Variants in ZMAT4 observed in about 807,000 individuals in gnomAD.
ZMAT4 encodes zinc finger matrin-type protein 4.
ZMAT4 carries 17 observed loss-of-function variants against 28.7 expected under a neutral mutation model. The observed-to-expected ratio is 0.59, with a 90% CI of 0.41 to 0.89. ZMAT4 has a LOEUF of 0.89. Among genes scored for constraint, ZMAT4 ranks in the 40% least tolerant of loss-of-function variants. ZMAT4 has a pLI of 0.00. For missense variants in ZMAT4, 240 were observed against 283.8 expected (o/e 0.85, Z 1.11); for synonymous variants, 117 against 109.2 (o/e 1.07, Z -0.44).
chr8:40,714,738 A>G (rs1810768042), intron 3 of ZMAT4, among the ~76,000 whole-genome samples: 2 of 152,192 alleles, frequency 1.3e-5, no homozygotes, highest in Non-Finnish European at 2.9e-5. Context: ...AAAGAAATGA[A>G]ATAAGTTTAC....
In ZMAT4 at chr8:40,684,286, C is replaced by T. The variant is rs912134010; in HGVS notation, c.350-9355G>A. Reference sequence around the variant, plus strand: ...TTGCTTAGCAAGAATCAATGATCTGCTAACTGGGCACTGCTAGAAACCATG... The same window carrying T: ...TTGCTTAGCAAGAATCAATGATCTGTTAACTGGGCACTGCTAGAAACCATG... On this transcript the variant is annotated intron_variant, in intron 4 of 6. Coordinates refer to ENST00000297737, the MANE Select transcript of ZMAT4 (RefSeq NM_024645.3). Among the ~76,000 whole-genome samples, 12 of 152,190 alleles carry T rather than the reference C, an allele frequency of 7.9e-5. No homozygotes were observed. The South Asian group carries it at 1.0e-3, about 13-fold the overall frequency.
chr8:40,548,175 C>G (rs1388171170), intron 6 of ZMAT4, among the ~76,000 whole-genome samples: 1 of 152,124 alleles, frequency 6.6e-6, no homozygotes, highest in African/African-American at 2.4e-5. Flanking sequence ...AAGGACCCTT[C>G]AGGCCATGAC....
At chr8:40,712,835 C>T (rs574717047) in intron 3 of ZMAT4, among the ~76,000 whole-genome samples, 1 of 152,238 alleles carries the variant, frequency 6.6e-6, no homozygotes, top group East Asian at 1.9e-4. Context: ...TATCAAATCA[C>T]ATCTCATAAT....
At chr8:40,646,696 G>C (rs958638761) in intron 5 of ZMAT4, among the ~76,000 whole-genome samples, 2 of 152,062 alleles carry the variant, frequency 1.3e-5, no homozygotes, top group African/African-American at 4.8e-5. Context: ...AGCCCCAAAA[G>C]TACATAAAGC....
chr8:40,844,478 A>G (rs906259915), intron 1 of ZMAT4, among the ~76,000 whole-genome samples: 4 of 152,146 alleles, frequency 2.6e-5, no homozygotes, highest in Non-Finnish European at 4.4e-5. Flanking sequence ...AGTCCTTCAG[A>G]TTCAAGCTGA....
At chr8:40,844,078 T>C (rs1267147071) in intron 1 of ZMAT4, among the ~76,000 whole-genome samples, 1 of 152,148 alleles carries the variant, frequency 6.6e-6, no homozygotes, top group Non-Finnish European at 1.5e-5. Context: ...CTCTGGAAAG[T>C]GCCCAATGAT....
At chr8:40,554,308 C>T (rs966294340) in intron 6 of ZMAT4, among the ~76,000 whole-genome samples, 21 of 152,100 alleles carry the variant, frequency 1.4e-4, no homozygotes, top group African/African-American at 4.8e-4. Context: ...AACTACAAAC[C>T]AACCATTGTT....
chr8:40,700,406 CTTTTCTTTTTTT>C (rs1238342201), intron 3 of ZMAT4, among the ~76,000 whole-genome samples: 100 of 60,806 alleles, frequency 1.6e-3, no homozygotes, highest in Non-Finnish European at 2.7e-3. Flanking sequence ...GAAGCTGCTG[CTTTTCTTTTTTT>C]TTTTTTTTTT....
chr8:40,709,152 C>T (rs1810494730), intron 3 of ZMAT4, among the ~76,000 whole-genome samples: 1 of 152,036 alleles, frequency 6.6e-6, no homozygotes, highest in Non-Finnish European at 1.5e-5. Context: ...TTAAATCATC[C>T]CTGCATTACT....
chr8:40,566,446 C>T (rs544376696), intron 6 of ZMAT4, among the ~76,000 whole-genome samples: 1 of 152,184 alleles, frequency 6.6e-6, no homozygotes, highest in African/African-American at 2.4e-5. Context: ...AGAAGGGGTG[C>T]AGCAGAGGGT....
intron 5 of ZMAT4, among the ~76,000 whole-genome samples, chr8:40,647,263 G>C (rs1445280323): frequency 1.3e-5 from 2 of 152,230 alleles, no homozygotes. Flanking sequence ...CCTCACTTGG[G>C]AAGCGCAAAG....
intron 5 of ZMAT4, among the ~76,000 whole-genome samples, chr8:40,656,459 C>A (rs1280952272): frequency 2.6e-5 from 4 of 152,090 alleles, no homozygotes; most frequent in Admixed American, 6.5e-5. Flanking sequence ...TTCAAGAGAA[C>A]TGATAGCATA....
At chr8:40,607,283 C>T (rs1488985391) in intron 5 of ZMAT4, among the ~76,000 whole-genome samples, 1 of 151,796 alleles carries the variant, frequency 6.6e-6, no homozygotes, top group Non-Finnish European at 1.5e-5. Context: ...CGCCACCACC[C>T]CTGGCTAATT....
chr8:40,633,843 G>T (rs550072912), intron 5 of ZMAT4, among the ~76,000 whole-genome samples: 58 of 152,204 alleles, frequency 3.8e-4, no homozygotes, highest in Non-Finnish European at 6.0e-4. Flanking sequence ...AGGGGCAGAC[G>T]TGAGTCCATG....
chr8:40,704,891 G>A (rs1211737205), intron 3 of ZMAT4, among the ~76,000 whole-genome samples: 1 of 152,170 alleles, frequency 6.6e-6, no homozygotes, highest in African/African-American at 2.4e-5. Flanking sequence ...GTTATTGTGT[G>A]AGTTTGTCCA....
At chr8:40,606,908 C>A (rs571277373) in intron 5 of ZMAT4, among the ~76,000 whole-genome samples, 1 of 151,992 alleles carries the variant, frequency 6.6e-6, no homozygotes, top group African/African-American at 2.4e-5. Context: ...TTTTAAAAAT[C>A]CTTTTTTCTT....
At chr8:40,777,424 G>A (rs545695663) in intron 2 of ZMAT4, among the ~76,000 whole-genome samples, 1 of 152,146 alleles carries the variant, frequency 6.6e-6, no homozygotes, top group African/African-American at 2.4e-5. Context: ...GTTGCAATTC[G>A]ATCTGGTGGG....
At chr8:40,832,216 T>C (rs1424212784) in intron 1 of ZMAT4, among the ~76,000 whole-genome samples, 1 of 152,128 alleles carries the variant, frequency 6.6e-6, no homozygotes, top group Non-Finnish European at 1.5e-5. Flanking sequence ...AGTGCAGAAT[T>C]AATATGCTGG....
intron 1 of ZMAT4, among the ~76,000 whole-genome samples, chr8:40,859,398 A>C (rs1043854783): frequency 2.6e-5 from 4 of 152,040 alleles, no homozygotes; most frequent in Non-Finnish European, 5.9e-5. Context: ...CATGTATGGA[A>C]ACCCAAATCT....
Sources: allele counts gnomAD v4.1 joint callset (sites outside exome capture counted in the v4.1 genomes callset), GRCh38; gene constraint gnomAD v4.1.1; transcripts MANE v1.5; gene names NCBI Gene and HGNC (gene_info 2026-07-23, HGNC 2026-07-21).